Variants in PCDHA6 observed in about 807,000 individuals in gnomAD.
PCDHA6 encodes protocadherin alpha-6.
PCDHA6 carries 55 observed loss-of-function variants against 60.3 expected under a neutral mutation model. That is an observed-to-expected ratio of 0.91 (90% CI 0.73 to 1.14). The LOEUF is 1.14. PCDHA6 is among the 50% of genes most tolerant of loss of function. PCDHA6 has a pLI of 0.00. For synonymous variants in PCDHA6, 652 were observed against 557.9 expected (o/e 1.17, Z -2.38); for missense variants, 1,327 against 1,256.5 (o/e 1.06, Z -0.85).
Position 140,858,751 on chromosome 5 carries a change from G to A in PCDHA6, c.2394+28266G>A, listed in dbSNP as rs938240146. On this transcript the variant is annotated intron_variant, in intron 1 of 3. Coordinates refer to ENST00000529310, the MANE Select transcript of PCDHA6 (RefSeq NM_018909.4). ...CGATTTACTTTCATAATCACTTTTC[G>A]TTACAAATATTTGTGAGATTAGTAC... 35 of 456,172 alleles carry A rather than the reference G, an allele frequency of 7.7e-5. 1 individual carries two copies. In the East Asian group the frequency reaches 9.6e-4, roughly 13 times the overall value. 28.3% of individuals were successfully genotyped at this position (456,172 alleles called of 1,614,324 possible).
chr5:140,845,771 A>G (rs1034344709), intron 1 of PCDHA6, among the ~76,000 whole-genome samples: 1 of 149,762 alleles, frequency 6.7e-6, no homozygotes, highest in Admixed American at 6.7e-5. Context: ...GTTAATAGTT[A>G]TAAATTATTA....
chr5:140,927,204 G>A, intron 1 of PCDHA6: 1 of 1,614,112 alleles, frequency 6.2e-7, no homozygotes, highest in Non-Finnish European at 8.5e-7. Context: ...TCGAGGACCC[G>A]CTGGAGCTGC....
intron 3 of PCDHA6, among the ~76,000 whole-genome samples, chr5:140,991,929 C>T (rs1250639930): frequency 1.3e-5 from 2 of 152,088 alleles, no homozygotes; most frequent in South Asian, 2.1e-4. Flanking sequence ...ATAACATATT[C>T]ACAAGTTCTA....
At chr5:140,965,903 A>T (rs73793545) in intron 1 of PCDHA6, among the ~76,000 whole-genome samples, 2,475 of 152,308 alleles carry the variant, frequency 0.016, 63 homozygotes, top group African/African-American at 0.056. Context: ...CTTGGATCCC[A>T]GGATGCTGGT....
At position 141,010,718 on chromosome 5, in the gene PCDHA6, T is replaced by C. The variant is rs2154002137; in HGVS notation, c.*781T>C. Reference sequence around the variant, plus strand: ...TTTCCTATACATGTCCTGTGCTCACTTTATTAAAAATTCTTTTGCACACAA... The same window carrying C: ...TTTCCTATACATGTCCTGTGCTCACCTTATTAAAAATTCTTTTGCACACAA... On this transcript the variant is annotated 3_prime_UTR_variant, in exon 4 of 4. Coordinates refer to ENST00000529310, the MANE Select transcript of PCDHA6 (RefSeq NM_018909.4). The C allele has an allele frequency of 6.5e-6, 1 of 154,542 alleles. No homozygotes were observed. The highest frequency in any genetic ancestry group is 1.9e-4 in the East Asian group (1 of 5,208). 9.6% of individuals were successfully genotyped at this position (154,542 alleles called of 1,614,324 possible). A position where few individuals can be genotyped will look rare whatever the true frequency, so the allele number is the denominator to read the frequency against.
chr5:140,972,910 C>G (rs2096563603), intron 1 of PCDHA6, among the ~76,000 whole-genome samples: 1 of 152,054 alleles, frequency 6.6e-6, no homozygotes, highest in Non-Finnish European at 1.5e-5. Flanking sequence ...GATCCACCCG[C>G]CTTGGCCTCC....
intron 3 of PCDHA6, among the ~76,000 whole-genome samples, chr5:141,004,794 G>A (rs1272334301): frequency 6.6e-6 from 1 of 152,144 alleles, no homozygotes; most frequent in Non-Finnish European, 1.5e-5. Context: ...GGCAGATTCT[G>A]GCTGAGCTCA....
intron 1 of PCDHA6, among the ~76,000 whole-genome samples, chr5:140,965,923 G>T (rs1418904178): frequency 1.3e-5 from 2 of 152,232 alleles, no homozygotes; most frequent in African/African-American, 4.8e-5. Context: ...TTTTAGGCTT[G>T]CTCCCGGAAA....
intron 1 of PCDHA6, among the ~76,000 whole-genome samples, chr5:140,873,904 G>A (rs936002886): frequency 6.6e-6 from 1 of 152,074 alleles, no homozygotes; most frequent in African/African-American, 2.4e-5. Flanking sequence ...CAGGTGATCT[G>A]CCTGCCTCAG....
rs1329189325 is a variant in PCDHA6, at chr5:141,010,310, G to C, written c.*373G>C. The C allele has an allele frequency of 6.5e-7, 1 of 1,547,658 alleles. No individual in the cohort carries two copies. The highest frequency in any genetic ancestry group is 8.7e-7 in the Non-Finnish European group (1 of 1,145,866). ...CTTGCAGGGCAGGCTGAAAAGTTTT[G>C]AGATTGAGCAGCTTGGGAGTTTGTG... On this transcript the variant is annotated 3_prime_UTR_variant, in exon 4 of 4. Coordinates refer to ENST00000529310, the MANE Select transcript of PCDHA6 (RefSeq NM_018909.4).
chr5:140,858,383 A>G lies in PCDHA6; in HGVS notation c.2394+27898A>G, dbSNP rs181849631. Reference sequence around the variant, plus strand: ...CAGCCCCAGCCTTCCACCATGCCCAATGGTAGATGTGGACGGGGAAGATCA... The same window carrying G: ...CAGCCCCAGCCTTCCACCATGCCCAGTGGTAGATGTGGACGGGGAAGATCA... On this transcript the variant is annotated intron_variant, in intron 1 of 3. Transcript: ENST00000529310. 1,813 of 1,584,980 alleles carry G rather than the reference A, an allele frequency of 1.1e-3. 172 individuals are homozygous for G. Among genetic ancestry groups the G allele is most frequent in the Non-Finnish European group, 1.3e-3 (1,523 of 1,159,242 alleles).
chr5:140,876,020 A>G, intron 1 of PCDHA6: 2 of 1,613,802 alleles, frequency 1.2e-6, no homozygotes, highest in South Asian at 1.1e-5. Flanking sequence ...CTTAAAATAA[A>G]AACAAAAAAA....
At chr5:140,944,823 C>T (rs1246814273) in intron 1 of PCDHA6, among the ~76,000 whole-genome samples, 1 of 152,148 alleles carries the variant, frequency 6.6e-6, no homozygotes, top group Non-Finnish European at 1.5e-5. Context: ...ATCTTTGCCC[C>T]ATAATTGTAA....
At chr5:140,868,866 T>C (rs1319732568) in intron 1 of PCDHA6, 2 of 581,336 alleles carry the variant, frequency 3.4e-6, no homozygotes, top group Non-Finnish European at 5.7e-6. Context: ...GTAAATGCAG[T>C]GCACAGTACT....
At chr5:140,944,818 T>G (rs1490682721) in intron 1 of PCDHA6, among the ~76,000 whole-genome samples, 1 of 152,236 alleles carries the variant, frequency 6.6e-6, no homozygotes, top group East Asian at 1.9e-4. Context: ...CAGTGATCTT[T>G]GCCCCATAAT....
At chr5:140,889,156 G>T in intron 1 of PCDHA6, among the ~76,000 whole-genome samples, 1 of 150,034 alleles carries the variant, frequency 6.7e-6, no homozygotes, top group Admixed American at 6.6e-5. Flanking sequence ...TTTCTTCTTT[G>T]TTAAGTATTC....
chr5:140,897,253 T>C (rs1481151592), intron 1 of PCDHA6, among the ~76,000 whole-genome samples: 1 of 151,928 alleles, frequency 6.6e-6, no homozygotes, highest in East Asian at 1.9e-4. Flanking sequence ...TACATATGTA[T>C]ACATGTGCCA....
At chr5:140,849,675 C>A (rs2150444772) in intron 1 of PCDHA6, 1 of 1,598,600 alleles carries the variant, frequency 6.3e-7, no homozygotes. Context: ...GCCCCACGTC[C>A]CCTTCAAGCT....
In PCDHA6 at chr5:140,829,711, G is replaced by A. The variant is rs2150173108; in HGVS notation, c.1620G>A (p.Ala540=). Residue 540 remains alanine (A), a synonymous_variant, in exon 1 of 4, where the codon GCG becomes GCA. Coordinates refer to ENST00000529310, the MANE Select transcript of PCDHA6 (RefSeq NM_018909.4). The part of the protein sequence containing the change: ...LLQFQVSARD[A]GVPPLGSNVT... ...AGTTTCAGGTGAGCGCGCGCGACGC[G>A]GGCGTGCCGCCTCTGGGCAGCAACG... The A allele has an allele frequency of 6.2e-7, 1 of 1,613,342 alleles. No homozygotes were observed. Among genetic ancestry groups the A allele is most frequent in the Admixed American group, 1.7e-5 (1 of 59,984 alleles).
Sources: allele counts gnomAD v4.1 joint callset (sites outside exome capture counted in the v4.1 genomes callset), GRCh38; gene constraint gnomAD v4.1.1; transcripts MANE v1.5; gene names NCBI Gene and HGNC (gene_info 2026-07-23, HGNC 2026-07-21).